The following UNC13B variants were observed in gnomAD, a reference collection of about 807,000 sequenced individuals.
UNC13B encodes unc-13 homolog B, also known as protein unc-13 homolog B.
Under a neutral mutation model 211.0 loss-of-function variants are expected in UNC13B, and 144 were observed. The observed-to-expected ratio is 0.68, with a 90% confidence interval of 0.60 to 0.78. The LOEUF is 0.78. Among genes scored for constraint, UNC13B ranks in the 30% least tolerant of loss-of-function variants. The pLI is 0.00. For synonymous variants in UNC13B, 709 were observed against 725.8 expected, an observed-to-expected ratio of 0.98 and a Z score of 0.37; for missense variants, 1,777 against 2,002.0, an observed-to-expected ratio of 0.89 and a Z score of 2.14.
Position 35,386,059 on chromosome 9 carries a change from C to A in UNC13B, c.10966-106C>A, listed in dbSNP as rs1345670749. On this transcript the variant is annotated intron_variant, in intron 23 of 39. Transcript: ENST00000635942. The stretch of plus-strand genomic sequence containing the variant: ...TCATCACAGGGAAAAGTCTAGGGAC[C>A]CAGACAGGGATGAAAGAATCTAGAG... 7 of 1,538,740 alleles carry A rather than the reference C, an allele frequency of 4.5e-6. No homozygotes were observed. In the African/African-American group the frequency reaches 5.5e-5, roughly 12 times the overall value.
chr9:35,352,788 C>G (rs541070703), intron 11 of UNC13B: 10 of 1,232,058 alleles, frequency 8.1e-6, no homozygotes, highest in African/African-American at 3.1e-5. Flanking sequence ...TCTCTGTCTA[C>G]CCCCCATCAG....
chr9:35,228,091 A>G (rs771847741), intron 2 of UNC13B, 47 bp downstream of exon 2: 27 of 1,512,202 alleles, frequency 1.8e-5, no homozygotes, highest in Non-Finnish European at 2.4e-5. Flanking sequence ...ATTTGCTGTT[A>G]TTTCAAAGCA....
At chr9:35,392,079 T>C (rs1193040612) in intron 26 of UNC13B, among the ~76,000 whole-genome samples, 1 of 152,190 alleles carries the variant, frequency 6.6e-6, no homozygotes, top group African/African-American at 2.4e-5. Flanking sequence ...CCAAACTACT[T>C]AATTTTTATG....
At position 35,313,930 on chromosome 9, in the gene UNC13B, A is replaced by T; in HGVS notation, c.9355A>T (p.Thr3119Ser). The change falls in exon 11 of 40, where the codon ACC (threonine) becomes TCC (serine). Residue 3119 changes from threonine to serine, a missense_variant. Transcript: ENST00000635942. ...TGAGGAGAATGCATCTTCACCATTT[A>T]CCCAAGCCAGAGCACATTGGATCCG... ...FPEENASSPF[T>S]QARAHWIRAV... 6.2e-7 allele frequency: 1 copy of T among 1,613,914 alleles called. No homozygotes were observed. Among genetic ancestry groups the T allele is most frequent in the Non-Finnish European group, 8.5e-7 (1 of 1,179,878 alleles).
At position 35,306,754 on chromosome 9, in the gene UNC13B, A is replaced by G. The variant is rs901582253; in HGVS notation, c.7350A>G (p.Ala2450=). The part of the protein sequence containing the change: ...QDADKEEDKF[A]LGSSVDMLSG... ...CAGATAAAGAGGAAGACAAATTTGC[A>G]TTAGGCTCTTCAGTAGACATGCTTT... The change falls in exon 9 of 40, where the codon GCA becomes GCG. Residue 2450 remains alanine, a synonymous_variant. Coordinates refer to ENST00000635942, the MANE Select transcript of UNC13B (RefSeq NM_001371189.2). The G allele has an allele frequency of 5.0e-6, 2 of 398,930 alleles. No homozygotes were observed. Among genetic ancestry groups the G allele is most frequent in the Non-Finnish European group, 8.8e-6 (2 of 226,062 alleles). 24.7% of individuals were successfully genotyped at this position (398,930 alleles called of 1,614,324 possible). A position where few individuals can be genotyped will look rare whatever the true frequency, so the allele number is the denominator to read the frequency against.
At chr9:35,209,344 A>G (rs1823839303) in intron 1 of UNC13B, among the ~76,000 whole-genome samples, 1 of 151,978 alleles carries the variant, frequency 6.6e-6, no homozygotes, top group Non-Finnish European at 1.5e-5. Context: ...GATTAGAGGC[A>G]TGAGCTACCA....
At chr9:35,381,354 T>C (rs1175304577) in intron 19 of UNC13B, 139 bp downstream of exon 19, 4 of 966,522 alleles carry the variant, frequency 4.1e-6, no homozygotes, top group African/African-American at 1.7e-5. Flanking sequence ...CCCTGGAGAG[T>C]CCGAGTGACT....
chr9:35,168,026 C>T (rs572316861), intron 1 of UNC13B, among the ~76,000 whole-genome samples: 2 of 151,080 alleles, frequency 1.3e-5, no homozygotes, highest in South Asian at 2.1e-4. Flanking sequence ...TCAATCTGTC[C>T]TCCCATCTCA....
Position 35,403,607 on chromosome 9 carries a change from A to G in UNC13B, c.12737+8A>G. The G allele has an allele frequency of 7.2e-7, 1 of 1,397,646 alleles. No homozygotes were observed. The highest frequency in any genetic ancestry group is 1.1e-5 in the South Asian group (1 of 87,672). 86.6% of individuals were successfully genotyped at this position (1,397,646 alleles called of 1,614,324 possible). ...CAATGAGACATTCCACTTGTAAGTT[A>G]CGGGGGGGACATACAGGACTCTGGG... On this transcript the variant is annotated splice_region_variant and intron_variant, in intron 39 of 39. Coordinates refer to ENST00000635942, the MANE Select transcript of UNC13B (RefSeq NM_001371189.2).
intron 1 of UNC13B, among the ~76,000 whole-genome samples, chr9:35,176,469 A>AC (rs1821642906): frequency 6.6e-6 from 1 of 152,006 alleles, no homozygotes; most frequent in Admixed American, 6.6e-5. Flanking sequence ...AATCGCTTGA[A>AC]CCCAGGAGGC....
At chr9:35,178,431 A>T in intron 1 of UNC13B, among the ~76,000 whole-genome samples, 1 of 151,940 alleles carries the variant, frequency 6.6e-6, no homozygotes, top group East Asian at 1.9e-4. Flanking sequence ...CAGGAGGCGG[A>T]GGTTGCAGTG....
intron 1 of UNC13B, among the ~76,000 whole-genome samples, chr9:35,223,650 T>G (rs1055529557): frequency 3.9e-5 from 6 of 152,182 alleles, no homozygotes; most frequent in African/African-American, 1.4e-4. Context: ...TGATTGTTAC[T>G]TTTGCGGTGC....
At chr9:35,213,109 A>G (rs1166042899) in intron 1 of UNC13B, among the ~76,000 whole-genome samples, 1 of 152,264 alleles carries the variant, frequency 6.6e-6, no homozygotes. Context: ...CCTAAGTGGT[A>G]TGTATAAATT....
At chr9:35,323,914 C>T (rs527765455) in intron 11 of UNC13B, among the ~76,000 whole-genome samples, 1 of 152,222 alleles carries the variant, frequency 6.6e-6, no homozygotes, top group African/African-American at 2.4e-5. Flanking sequence ...ACCTGCATCA[C>T]AGTTTTCCTT....
rs1836504188 is a variant in UNC13B at position 35,403,815 on chromosome 9, G to T, written c.12805G>T (p.Ala4269Ser). The change falls in exon 40 of 40, where the codon GCC becomes TCC. Residue 4269 changes from alanine (A) to serine (S), a missense_variant. Transcript: ENST00000635942. ...LQICVKDYCF[A>S]REDRVLGLAV... is the part of the protein sequence containing the mutation. ...GATATGCGTGAAGGATTACTGCTTT[G>T]CCCGGGAAGATCGCGTGCTAGGGCT... 1 of 1,614,034 alleles carries T rather than the reference G, an allele frequency of 6.2e-7. No homozygotes were observed. Among genetic ancestry groups the T allele is most frequent in the Non-Finnish European group, 8.5e-7 (1 of 1,180,034 alleles).
chr9:35,169,741 ATTG>A (rs999677728), intron 1 of UNC13B, among the ~76,000 whole-genome samples: 22 of 152,176 alleles, frequency 1.4e-4, no homozygotes, highest in African/African-American at 5.1e-4. Flanking sequence ...CTGCTATGCT[ATTG>A]TTATAAACTG....
intron 1 of UNC13B, among the ~76,000 whole-genome samples, chr9:35,178,017 A>C (rs1469164416): frequency 1.3e-5 from 2 of 152,300 alleles, no homozygotes; most frequent in African/African-American, 2.4e-5. Flanking sequence ...AAGAGTTGGC[A>C]GTCCACGTGT....
intron 11 of UNC13B, chr9:35,360,615 C>T (rs966188059): frequency 1.1e-4 from 17 of 152,172 alleles, no homozygotes; most frequent in African/African-American, 4.1e-4. Context: ...GAGAACAGTG[C>T]CTAGTGTGCA....
At chr9:35,381,341 T>C (rs2132256088) in intron 19 of UNC13B, 126 bp downstream of exon 19, 3 of 1,006,446 alleles carry the variant, frequency 3.0e-6, no homozygotes, top group Non-Finnish European at 4.4e-6. Flanking sequence ...ATTCACTCTG[T>C]TACCCTGGAG....
Sources: allele counts gnomAD v4.1 joint callset (sites outside exome capture counted in the v4.1 genomes callset), GRCh38; gene constraint gnomAD v4.1.1; transcripts MANE v1.5; gene names NCBI Gene and HGNC (gene_info 2026-07-23, HGNC 2026-07-21).